The following HCRTR2 variants were observed in gnomAD, a reference collection of about 807,000 sequenced individuals.
The protein encoded by HCRTR2 is hypocretin receptor 2, also known as orexin receptor type 2.
A neutral mutation model predicts 49.0 loss-of-function variants in HCRTR2; 22 were observed. That is an observed-to-expected ratio of 0.45 (90% CI 0.32 to 0.64). The LOEUF is 0.64. HCRTR2 is among the 30% of genes least tolerant of loss of function. The pLI is 0.04. For missense variants in HCRTR2, 491 were observed against 559.4 expected, an observed-to-expected ratio of 0.88 and a Z score of 1.23; for synonymous variants, 236 against 205.3, an observed-to-expected ratio of 1.15 and a Z score of -1.28.
chr6:55,212,196 G>A (rs919995253), intron 1 of HCRTR2, among the ~76,000 whole-genome samples: 2 of 152,132 alleles, frequency 1.3e-5, no homozygotes, highest in African/African-American at 4.8e-5. Flanking sequence ...TATGGCTGCC[G>A]TTGTTCCCTG....
At chr6:55,126,329 T>G (rs1279173438) in intron 1 of HCRTR2, among the ~76,000 whole-genome samples, 1 of 152,166 alleles carries the variant, frequency 6.6e-6, no homozygotes, top group African/African-American at 2.4e-5. Flanking sequence ...CCTTTCTGTT[T>G]GTTAGTTTTC....
chr6:55,118,229 T>C (rs1764147225), intron 1 of HCRTR2, among the ~76,000 whole-genome samples: 1 of 151,994 alleles, frequency 6.6e-6, no homozygotes, highest in South Asian at 2.1e-4. Flanking sequence ...AAGGATATGA[T>C]CTTGGGTTTT....
downstream of HCRTR2, among the ~76,000 whole-genome samples, chr6:55,284,088 G>A (rs1767242167): frequency 6.6e-6 from 1 of 152,126 alleles, no homozygotes; most frequent in Non-Finnish European, 1.5e-5. Flanking sequence ...CGTGATGACA[G>A]CACTTTAAAA....
chr6:55,111,209 C>T (rs550789602), intron 1 of HCRTR2, among the ~76,000 whole-genome samples: 1 of 151,950 alleles, frequency 6.6e-6, no homozygotes, highest in African/African-American at 2.4e-5. Context: ...ATGCCTACAT[C>T]AAAAAGTCTG....
chr6:55,272,610 T>TA (rs1165508602), intron 4 of HCRTR2, among the ~76,000 whole-genome samples: 2 of 151,796 alleles, frequency 1.3e-5, no homozygotes, highest in Non-Finnish European at 2.9e-5. Flanking sequence ...TTTTTTTTTT[T>TA]AGAAAGTTCT....
intron 1 of HCRTR2, among the ~76,000 whole-genome samples, chr6:55,242,722 C>A (rs1024330224): frequency 6.6e-6 from 1 of 152,132 alleles, no homozygotes; most frequent in African/African-American, 2.4e-5. Flanking sequence ...AGTCTTAGCA[C>A]CAGCATATCA....
At chr6:55,262,749 T>C (rs1210718711) in intron 3 of HCRTR2, among the ~76,000 whole-genome samples, 1 of 103,062 alleles carries the variant, frequency 9.7e-6, no homozygotes, top group Non-Finnish European at 1.9e-5. Flanking sequence ...AATATATATA[T>C]ATGTATTAGG....
At chr6:55,272,847 CTTTT>C (rs993989385) in intron 4 of HCRTR2, among the ~76,000 whole-genome samples, 1 of 111,290 alleles carries the variant, frequency 9.0e-6, no homozygotes, top group Non-Finnish European at 1.9e-5. Flanking sequence ...GAGGGAAAAC[CTTTT>C]TTTTTTTTTT....
At chr6:55,270,710 A>C (rs1766956694) in intron 4 of HCRTR2, among the ~76,000 whole-genome samples, 1 of 152,214 alleles carries the variant, frequency 6.6e-6, no homozygotes, top group Non-Finnish European at 1.5e-5. Flanking sequence ...ATAAAATGTA[A>C]GTAAGTTTTG....
At chr6:55,133,409 C>A (rs1179685379) in intron 1 of HCRTR2, among the ~76,000 whole-genome samples, 1 of 151,256 alleles carries the variant, frequency 6.6e-6, no homozygotes, top group Non-Finnish European at 1.5e-5. Context: ...ACACACACAT[C>A]AAGGCATTTC....
intron 1 of HCRTR2, among the ~76,000 whole-genome samples, chr6:55,194,510 T>C (rs3134692): frequency 0.27 from 40,624 of 151,944 alleles, 5,862 homozygotes; most frequent in African/African-American, 0.36. Context: ...TATGGATATT[T>C]GTTTTCAAAT....
intron 1 of HCRTR2, among the ~76,000 whole-genome samples, chr6:55,234,108 A>G (rs946926661): frequency 6.6e-6 from 1 of 152,198 alleles, no homozygotes; most frequent in African/African-American, 2.4e-5. Context: ...GGAATTTATG[A>G]CAGCAAAATG....
intron 1 of HCRTR2, among the ~76,000 whole-genome samples, chr6:55,187,366 T>C: frequency 7.9e-6 from 1 of 126,042 alleles, no homozygotes; most frequent in African/African-American, 3.0e-5. Context: ...TGAGCCAAGA[T>C]GAAGCCACTG....
intron 1 of HCRTR2, among the ~76,000 whole-genome samples, chr6:55,177,123 A>C (rs912251604): frequency 6.6e-6 from 1 of 152,188 alleles, no homozygotes; most frequent in Admixed American, 6.5e-5. Flanking sequence ...CAGTAAGGCT[A>C]CTTGTTTCAT....
At chr6:55,215,998 T>A (rs1388495536) in intron 1 of HCRTR2, among the ~76,000 whole-genome samples, 1 of 152,172 alleles carries the variant, frequency 6.6e-6, no homozygotes, top group Non-Finnish European at 1.5e-5. Context: ...CATCATAACA[T>A]GGCAGAAGGC....
intron 4 of HCRTR2, among the ~76,000 whole-genome samples, chr6:55,269,081 C>A (rs1443021129): frequency 7.2e-6 from 1 of 138,896 alleles, no homozygotes; most frequent in African/African-American, 2.9e-5. Flanking sequence ...CAGCAAGACT[C>A]CGTCTCAAAA....
chr6:55,261,986 G>A (rs1440014265), intron 3 of HCRTR2, among the ~76,000 whole-genome samples: 1 of 152,030 alleles, frequency 6.6e-6, no homozygotes. Flanking sequence ...GCAACCTGGA[G>A]GGATTTGGAG....
At chr6:55,276,016 T>C (rs1214254251) in intron 4 of HCRTR2, among the ~76,000 whole-genome samples, 1 of 152,172 alleles carries the variant, frequency 6.6e-6, no homozygotes, top group Admixed American at 6.5e-5. Context: ...CTTTTCATGA[T>C]AGGAGTCTCC....
chr6:55,131,949 C>T (rs1764363603), intron 1 of HCRTR2, among the ~76,000 whole-genome samples: 1 of 151,650 alleles, frequency 6.6e-6, no homozygotes, highest in East Asian at 1.9e-4. Context: ...AATTTAAAGG[C>T]AATGCGTTTT....
Sources: allele counts gnomAD v4.1 joint callset (sites outside exome capture counted in the v4.1 genomes callset), GRCh38; gene constraint gnomAD v4.1.1; transcripts MANE v1.5; gene names NCBI Gene and HGNC (gene_info 2026-07-23, HGNC 2026-07-21).